The following BPI variants were observed in gnomAD, a reference collection of about 807,000 sequenced individuals.
The protein encoded by BPI is bactericidal permeability increasing protein, also known as bactericidal permeability-increasing protein.
A neutral mutation model predicts 57.6 loss-of-function variants in BPI; 48 were observed. The observed-to-expected ratio is 0.83, with a 90% CI of 0.66 to 1.06. The LOEUF (loss-of-function observed/expected upper bound fraction) is 1.06, where lower values mean the gene tolerates loss of function less well. Ranked by LOEUF, BPI falls within the 50% of genes least tolerant of loss-of-function variation. BPI has a pLI of 0.00. For synonymous variants in BPI, 237 were observed against 238.2 expected, an observed-to-expected ratio of 0.99 and a Z score of 0.05; for missense variants, 651 against 609.7, an observed-to-expected ratio of 1.07 and a Z score of -0.71.
chr20:38,329,008 A>AATAAATAGATAG (rs141395633), intron 11 of BPI, among the ~76,000 whole-genome samples: 1 of 148,362 alleles, frequency 6.7e-6, no homozygotes, highest in South Asian at 2.1e-4. Flanking sequence ...CCTGTCTCTA[A>AATAAATAGATAG]ATAAATAAAT....
chr20:38,325,309 T>C (rs2122545453), intron 9 of BPI, among the ~76,000 whole-genome samples: 1 of 152,316 alleles, frequency 6.6e-6, no homozygotes, highest in East Asian at 1.9e-4. Flanking sequence ...CAGGCTACCA[T>C]AACAAAATGC....
Position 38,326,287 on chromosome 20 carries a change from T to C in BPI, c.1016T>C (p.Met339Thr). ...CAGGTGGCCAAGAAGTTTCCCAACA[T>C]GAAGATACAGATCCATGTCTCAGCC... The part of the protein sequence containing the change: ...LPEVAKKFPN[M>T]KIQIHVSAST... Residue 339 changes from methionine to threonine, a missense_variant, in exon 10 of 15, where the codon ATG becomes ACG. By Grantham distance (81) the Met-to-Thr change is moderately conservative. Coordinates refer to ENST00000642449, the MANE Select transcript of BPI (RefSeq NM_001725.3). 2.5e-6 allele frequency: 4 copies of C among 1,613,412 alleles called. No homozygotes were observed. In the South Asian group the frequency reaches 3.3e-5, roughly 13 times the overall value.
At chr20:38,304,518 C>G (rs146410827) in intron 1 of BPI, among the ~76,000 whole-genome samples, 165 bp downstream of exon 1, 221 of 152,316 alleles carry the variant, frequency 1.5e-3, no homozygotes, top group African/African-American at 5.2e-3. Context: ...AAGCGAGTTG[C>G]CTAAGATTGC....
intron 7 of BPI, among the ~76,000 whole-genome samples, 182 bp from the exon 8 acceptor site, chr20:38,323,688 G>T (rs182670767): frequency 6.6e-6 from 1 of 152,194 alleles, no homozygotes; most frequent in Non-Finnish European, 1.5e-5. Flanking sequence ...CCCAGGACTG[G>T]CATGAAAGGC....
intron 7 of BPI, among the ~76,000 whole-genome samples, chr20:38,323,578 G>A (rs1279891998): frequency 6.6e-6 from 1 of 152,214 alleles, no homozygotes; most frequent in Non-Finnish European, 1.5e-5. Context: ...TTCAATTTCT[G>A]GCTCTGCCAC....
Position 38,307,555 on chromosome 20 carries a change from T to C in BPI, c.131-12T>C. The C allele has an allele frequency of 6.3e-7, 1 of 1,594,618 alleles. No individual in the cohort carries two copies. The highest frequency in any genetic ancestry group is 8.5e-7 in the Non-Finnish European group (1 of 1,170,186). On this transcript the variant is annotated splice_polypyrimidine_tract_variant and intron_variant, in intron 1 of 14. Coordinates refer to ENST00000642449, the MANE Select transcript of BPI (RefSeq NM_001725.3). ...TGTGCCTCTCACTGTCACCCCTGCC[T>C]TCTCCCTTCAGCCAGCCAGCAGGGG...
chr20:38,306,453 G>C (rs1337252531), intron 1 of BPI, among the ~76,000 whole-genome samples: 1 of 152,214 alleles, frequency 6.6e-6, no homozygotes, highest in Non-Finnish European at 1.5e-5. Flanking sequence ...ATAGGGGAGA[G>C]ACATTCGTCA....
At chr20:38,312,023 T>A in intron 5 of BPI, 86 bp downstream of exon 5, 1 of 1,371,604 alleles carries the variant, frequency 7.3e-7, no homozygotes. Context: ...GACACTCTGC[T>A]GTCACTCCAG....
At chr20:38,329,307 C>T (rs1341149291) in intron 11 of BPI, among the ~76,000 whole-genome samples, 3 of 152,148 alleles carry the variant, frequency 2.0e-5, no homozygotes, top group Non-Finnish European at 2.9e-5. Flanking sequence ...AGCACATTTG[C>T]GCTGTTTTCA....
chr20:38,318,152 A>G (rs993719783), intron 5 of BPI: 9 of 757,046 alleles, frequency 1.2e-5, no homozygotes, highest in Non-Finnish European at 1.4e-5. Context: ...AATAGAAAAC[A>G]TAAACCCTCA....
chr20:38,312,002 C>G (rs1482603887), intron 5 of BPI, 65 bp downstream of exon 5: 6 of 1,501,858 alleles, frequency 4.0e-6, no homozygotes, highest in Non-Finnish European at 5.6e-6. Context: ...CACACACCTC[C>G]CCCTTCTACG....
intron 1 of BPI, among the ~76,000 whole-genome samples, chr20:38,306,589 A>C (rs1168683494): frequency 6.6e-6 from 1 of 152,148 alleles, no homozygotes; most frequent in African/African-American, 2.4e-5. Flanking sequence ...TCCCAGAGGA[A>C]GTGATGAATG....
intron 6 of BPI, 80 bp from the exon 7 acceptor site, chr20:38,320,103 A>C: frequency 8.4e-7 from 1 of 1,197,524 alleles, no homozygotes; most frequent in South Asian, 1.2e-5. Context: ...ATTCAATTTT[A>C]GGGGATTCTG....
At chr20:38,305,290 G>A (rs2122485756) in intron 1 of BPI, among the ~76,000 whole-genome samples, 1 of 151,272 alleles carries the variant, frequency 6.6e-6, no homozygotes, top group East Asian at 2.0e-4. Flanking sequence ...GAAGGAGTAT[G>A]GCCCTGAAGC....
chr20:38,317,126 A>G (rs956446702), intron 5 of BPI, among the ~76,000 whole-genome samples: 5 of 152,184 alleles, frequency 3.3e-5, no homozygotes, highest in African/African-American at 1.2e-4. Flanking sequence ...CTGCTGGATT[A>G]CTGAGGGAAA....
chr20:38,331,823 GAC>G (rs2076743981), intron 12 of BPI, among the ~76,000 whole-genome samples: 1 of 148,104 alleles, frequency 6.8e-6, no homozygotes, highest in Admixed American at 6.7e-5. Context: ...CAGCCTGTGT[GAC>G]AGAGTGAAAT....
intron 5 of BPI, 133 bp from the exon 6 acceptor site, chr20:38,318,280 A>C: frequency 8.4e-7 from 1 of 1,184,150 alleles, no homozygotes; most frequent in South Asian, 1.3e-5. Context: ...CCAAAAAGAA[A>C]AGGGAAACTT....
chr20:38,307,778 C>G, intron 2 of BPI, 97 bp downstream of exon 2: 2 of 1,012,526 alleles, frequency 2.0e-6, no homozygotes, highest in South Asian at 3.0e-5. Flanking sequence ...CCTCAACTCA[C>G]AGAGTTTCAT....
At chr20:38,326,500 A>C in intron 10 of BPI, 68 bp downstream of exon 10, 2 of 1,479,010 alleles carry the variant, frequency 1.4e-6, no homozygotes, top group Non-Finnish European at 9.0e-7. Context: ...CTTTGGAGTC[A>C]GGAGACCATG....
Sources: allele counts gnomAD v4.1 joint callset (sites outside exome capture counted in the v4.1 genomes callset), GRCh38; gene constraint gnomAD v4.1.1; transcripts MANE v1.5; gene names NCBI Gene and HGNC (gene_info 2026-07-23, HGNC 2026-07-21).